INPP5A: variants seen among roughly 807,000 people sequenced by gnomAD.
INPP5A encodes the protein inositol polyphosphate-5-phosphatase A, also known as 43 kDa inositol polyphosphate 5-phophatase.
In INPP5A, 14 loss-of-function variants were observed where a neutral mutation model predicts 65.2. That is an observed-to-expected ratio of 0.21 (90% CI 0.14 to 0.34). INPP5A has a LOEUF of 0.34. Ranked by LOEUF, INPP5A falls within the 10% of genes least tolerant of loss-of-function variation. The probability of loss-of-function intolerance (pLI) is 1.00; values close to 1 mark genes in which losing one functional copy is unlikely to be tolerated. For synonymous variants in INPP5A, 207 were observed against 208.3 expected, an observed-to-expected ratio of 0.99 and a Z score of 0.05; for missense variants, 431 against 545.6, an observed-to-expected ratio of 0.79 and a Z score of 2.09.
intron 2 of INPP5A, among the ~76,000 whole-genome samples, chr10:132,645,279 G>C (rs1372240756): frequency 1.3e-5 from 2 of 152,212 alleles, no homozygotes; most frequent in African/African-American, 4.8e-5. Context: ...CTGCCACTTA[G>C]TGGAAGTGGC....
At chr10:132,747,865 A>G (rs1015044796) in intron 9 of INPP5A, among the ~76,000 whole-genome samples, 1 of 152,312 alleles carries the variant, frequency 6.6e-6, no homozygotes, top group South Asian at 2.1e-4. Flanking sequence ...CCTGGGCAAC[A>G]TCATGAGACC....
At chr10:132,578,776 G>A (rs1199307797) in intron 1 of INPP5A, among the ~76,000 whole-genome samples, 1 of 151,930 alleles carries the variant, frequency 6.6e-6, no homozygotes, top group Non-Finnish European at 1.5e-5. Context: ...CTGGGTCTGG[G>A]CTCCAGGAGA....
chr10:132,718,223 G>T (rs1191945626), intron 8 of INPP5A, among the ~76,000 whole-genome samples: 1 of 139,654 alleles, frequency 7.2e-6, no homozygotes, highest in African/African-American at 2.7e-5. Flanking sequence ...GTGGTACCTG[G>T]GTTCTGTCTG....
At chr10:132,778,935 G>A (rs1426052922) in intron 13 of INPP5A, among the ~76,000 whole-genome samples, 2 of 152,244 alleles carry the variant, frequency 1.3e-5, no homozygotes. Context: ...GCTGGCCTCT[G>A]CCATGTGGCT....
At chr10:132,748,923 T>C (rs952345094) in intron 9 of INPP5A, among the ~76,000 whole-genome samples, 1 of 152,152 alleles carries the variant, frequency 6.6e-6, no homozygotes, top group Non-Finnish European at 1.5e-5. Context: ...TGTTCTTGGG[T>C]CCTGTCCACC....
chr10:132,664,620 G>A (rs913333896), intron 4 of INPP5A, among the ~76,000 whole-genome samples: 2 of 152,236 alleles, frequency 1.3e-5, no homozygotes, highest in African/African-American at 4.8e-5. Context: ...CTGGGCCTCT[G>A]AGTGCGCTCT....
intron 8 of INPP5A, among the ~76,000 whole-genome samples, chr10:132,719,577 G>A (rs1845821706): frequency 6.9e-6 from 1 of 145,508 alleles, no homozygotes; most frequent in African/African-American, 2.7e-5. Flanking sequence ...TTAGACGGCT[G>A]TCTTGCGGGT....
intron 4 of INPP5A, among the ~76,000 whole-genome samples, chr10:132,682,386 G>A (rs1044409587): frequency 1.3e-5 from 2 of 152,234 alleles, no homozygotes; most frequent in Admixed American, 1.3e-4. Context: ...TGGGTACGAT[G>A]GTCAAGTTTA....
At chr10:132,749,669 G>T (rs1405768347) in intron 10 of INPP5A, 57 bp downstream of exon 10, 27 of 1,600,148 alleles carry the variant, frequency 1.7e-5, no homozygotes, top group Non-Finnish European at 2.2e-5. Context: ...GGACTCTGCA[G>T]CTTCCTTCAG....
At chr10:132,639,510 GT>G (rs1456510743) in intron 2 of INPP5A, among the ~76,000 whole-genome samples, 2 of 152,144 alleles carry the variant, frequency 1.3e-5, no homozygotes, top group East Asian at 1.9e-4. Flanking sequence ...ATGATAAAAT[GT>G]GGCACAGATA....
chr10:132,755,104 AGT>A (rs779554314), intron 11 of INPP5A, among the ~76,000 whole-genome samples: 12 of 151,050 alleles, frequency 7.9e-5, no homozygotes, highest in East Asian at 3.9e-4. Flanking sequence ...TGAGCAGGCA[AGT>A]GTGTGAGCTG....
intron 8 of INPP5A, among the ~76,000 whole-genome samples, chr10:132,720,409 T>A (rs1462086106): frequency 2.8e-5 from 4 of 141,248 alleles, no homozygotes; most frequent in South Asian, 2.2e-4. Context: ...GTCTTGCGGG[T>A]TCTGTGGTAC....
At chr10:132,560,194 C>G (rs539747390) in intron 1 of INPP5A, among the ~76,000 whole-genome samples, 9 of 152,124 alleles carry the variant, frequency 5.9e-5, no homozygotes, top group African/African-American at 1.7e-4. Flanking sequence ...TGTGGAGTTG[C>G]TGTGTGAACC....
At chr10:132,608,297 C>T (rs542815988) in intron 2 of INPP5A, among the ~76,000 whole-genome samples, 5 of 152,336 alleles carry the variant, frequency 3.3e-5, no homozygotes, top group South Asian at 2.1e-4. Context: ...GAGCTGGCAG[C>T]GAGGCTGGGT....
chr10:132,608,668 G>A (rs1029487676), intron 2 of INPP5A, among the ~76,000 whole-genome samples: 1 of 152,236 alleles, frequency 6.6e-6, no homozygotes, highest in African/African-American at 2.4e-5. Flanking sequence ...TGGGCATGAC[G>A]GTGGCCAGGC....
intron 2 of INPP5A, among the ~76,000 whole-genome samples, chr10:132,633,849 C>T (rs767248302): frequency 2.4e-4 from 36 of 152,178 alleles, no homozygotes; most frequent in Non-Finnish European, 3.4e-4. Flanking sequence ...CTTATTGTGA[C>T]GATTTCAAGC....
intron 9 of INPP5A, among the ~76,000 whole-genome samples, chr10:132,729,690 G>A: frequency 6.6e-6 from 1 of 152,230 alleles, no homozygotes; most frequent in East Asian, 1.9e-4. Context: ...TCCACGCAGA[G>A]GGCCAGTGCT....
At chr10:132,606,688 T>A (rs1289514588) in intron 1 of INPP5A, among the ~76,000 whole-genome samples, 2 of 152,224 alleles carry the variant, frequency 1.3e-5, no homozygotes, top group East Asian at 3.9e-4. Context: ...GCGATGCTGT[T>A]GTGTTTGCGT....
intron 2 of INPP5A, among the ~76,000 whole-genome samples, chr10:132,621,366 C>G (rs1018531894): frequency 6.6e-6 from 1 of 152,158 alleles, no homozygotes; most frequent in Non-Finnish European, 1.5e-5. Context: ...AAGAATACTC[C>G]TGTGGCACAG....
Sources: gnomAD v4.1 joint callset for allele counts (sites outside exome capture counted in the v4.1 genomes callset) on GRCh38, gnomAD v4.1.1 for gene constraint, MANE v1.5 for transcripts, NCBI Gene and HGNC (gene_info 2026-07-23, HGNC 2026-07-21) for gene names.